Variants in PCM1 observed in about 807,000 individuals in gnomAD.
The protein encoded by PCM1 is pericentriolar material 1 protein.
PCM1 carries 157 observed loss-of-function variants against 241.9 expected under a neutral mutation model. The ratio of observed to expected loss-of-function variants is 0.65; its 90% CI spans 0.57 to 0.74. The LOEUF is 0.74. Ranked by LOEUF, PCM1 falls within the 30% of genes least tolerant of loss-of-function variation. PCM1 has a pLI of 0.00. For synonymous variants in PCM1, 1,085 were observed against 784.9 expected (o/e 1.38, Z -6.39); for missense variants, 3,478 against 2,360.1 (o/e 1.47, Z -9.81).
intron 23 of PCM1, among the ~76,000 whole-genome samples, chr8:17,979,099 G>C (rs1447397560): frequency 6.6e-6 from 1 of 151,088 alleles, no homozygotes; most frequent in Non-Finnish European, 1.5e-5. Context: ...ACTTGAGCCT[G>C]GGCAACAGAA....
At chr8:17,962,961 C>T in intron 16 of PCM1, 140 bp from the exon 17 acceptor site, 3 of 606,852 alleles carry the variant, frequency 4.9e-6, no homozygotes, top group South Asian at 2.4e-5. Context: ...TTATTTTAAC[C>T]TTCATGGACA....
Position 17,960,359 on chromosome 8 carries a change from T to C in PCM1, c.2237T>C (p.Leu746Pro). The change falls in exon 15 of 39, where the codon CTA becomes CCA. Residue 746 changes from leucine to proline, a missense_variant. Coordinates refer to ENST00000325083, the MANE Select transcript of PCM1 (RefSeq NM_006197.4). ...EAKLQQQQRE[L>P]KQLQEERKKL... is the part of the protein sequence containing the mutation. Reference sequence around the variant, plus strand: ...AAACTACAGCAGCAACAGAGAGAGCTAAAACAATTGCAGGAAGAAAGAAAG... The same window carrying C: ...AAACTACAGCAGCAACAGAGAGAGCCAAAACAATTGCAGGAAGAAAGAAAG... 6.2e-7 allele frequency: 1 copy of C among 1,605,462 alleles called. No individual in the cohort carries two copies. The highest frequency in any genetic ancestry group is 8.5e-7 in the Non-Finnish European group (1 of 1,177,484).
Position 18,014,821 on chromosome 8 carries a change from C to CAGTGTT in PCM1, c.5827_5832dup (p.Leu1943_Val1944dup), listed in dbSNP as rs1416777553. On this transcript the variant is annotated inframe_insertion, in exon 36 of 39. Coordinates refer to ENST00000325083, the MANE Select transcript of PCM1 (RefSeq NM_006197.4). ...GCTGGAAGTCCTGATACTGAATCTC[C>CAGTGTT]AGTGTTAGTGAATGACTATGTATGT... 3 of 1,599,942 alleles carry CAGTGTT rather than the reference C, an allele frequency of 1.9e-6. No individual in the cohort carries two copies. Among genetic ancestry groups the CAGTGTT allele is most frequent in the Non-Finnish European group, 2.5e-6 (3 of 1,176,850 alleles).
intron 29 of PCM1, among the ~76,000 whole-genome samples, chr8:18,002,954 GCCTT>G (rs2090109247): frequency 6.6e-6 from 1 of 152,120 alleles, no homozygotes; most frequent in African/African-American, 2.4e-5. Context: ...CACTTCTGAG[GCCTT>G]GGCACTTGCT....
intron 36 of PCM1, among the ~76,000 whole-genome samples, chr8:18,015,372 A>G (rs1298072464): frequency 6.6e-6 from 1 of 152,218 alleles, no homozygotes; most frequent in East Asian, 1.9e-4. Flanking sequence ...AAAGTAATTA[A>G]TCTTGCTTAA....
At chr8:17,951,479 C>G (rs1021136378) in intron 8 of PCM1, among the ~76,000 whole-genome samples, 7 of 152,178 alleles carry the variant, frequency 4.6e-5, no homozygotes, top group African/African-American at 1.4e-4. Context: ...CATGGCAACT[C>G]TGTGTTAATA....
At chr8:17,930,524 A>G (rs527464901) in intron 2 of PCM1, among the ~76,000 whole-genome samples, 207 of 152,340 alleles carry the variant, frequency 1.4e-3, no homozygotes, top group African/African-American at 4.6e-3. Flanking sequence ...AAAGAGGTTG[A>G]CATGAAGAGA....
intron 13 of PCM1, among the ~76,000 whole-genome samples, chr8:17,959,762 A>G (rs1198508835): frequency 2.0e-5 from 3 of 152,146 alleles, no homozygotes; most frequent in Admixed American, 1.3e-4. Flanking sequence ...TTGTTTAACC[A>G]TTACTGGAAT....
chr8:18,015,274 T>C (rs1455535744), intron 36 of PCM1, among the ~76,000 whole-genome samples: 3 of 148,624 alleles, frequency 2.0e-5, no homozygotes, highest in African/African-American at 7.4e-5. Flanking sequence ...AACTAGGAAA[T>C]CTGTACTCAT....
chr8:17,988,205 TA>T (rs200888603), intron 26 of PCM1, among the ~76,000 whole-genome samples: 2 of 111,856 alleles, frequency 1.8e-5, no homozygotes, highest in East Asian at 4.0e-4. Context: ...CTTGAAACAG[TA>T]AAAAAAATGG....
intron 22 of PCM1, among the ~76,000 whole-genome samples, chr8:17,970,082 T>A (rs1226898579): frequency 6.6e-6 from 1 of 152,200 alleles, no homozygotes; most frequent in Non-Finnish European, 1.5e-5. Context: ...TGTTAAGTGA[T>A]GATCCCTTTT....
chr8:17,967,598 G>A (rs1216818938), intron 21 of PCM1, among the ~76,000 whole-genome samples: 4 of 152,176 alleles, frequency 2.6e-5, no homozygotes, highest in South Asian at 2.1e-4. Context: ...ATGAGCCACC[G>A]TGCCCAGCCT....
intron 6 of PCM1, among the ~76,000 whole-genome samples, chr8:17,943,786 A>C (rs898535846): frequency 6.6e-6 from 1 of 152,158 alleles, no homozygotes; most frequent in Non-Finnish European, 1.5e-5. Context: ...AGGAACTGTC[A>C]TTCTTACCAC....
In PCM1 at chr8:17,956,785, C is replaced by A. The variant is rs1214297433; in HGVS notation, c.1646+8C>A. 10 of 1,598,214 alleles carry A rather than the reference C, an allele frequency of 6.3e-6. No homozygotes were observed. Among genetic ancestry groups the A allele is most frequent in the Non-Finnish European group, 7.7e-6 (9 of 1,169,414 alleles). On this transcript the variant is annotated splice_region_variant and intron_variant, in intron 11 of 38. Coordinates refer to ENST00000325083, the MANE Select transcript of PCM1 (RefSeq NM_006197.4). ...GCCTGTTACTAACATTCGGTAAGAA[C>A]TTTTCTGGGGATGTTTTTCCAGCAT...
chr8:17,923,880 G>T (rs2055697909), intron 1 of PCM1, among the ~76,000 whole-genome samples: 1 of 152,192 alleles, frequency 6.6e-6, no homozygotes, highest in South Asian at 2.1e-4. Context: ...TGGGGGAAAC[G>T]TTGTTTGGTT....
At chr8:18,016,602 A>T (rs117599839) in intron 36 of PCM1, among the ~76,000 whole-genome samples, 2,599 of 152,360 alleles carry the variant, frequency 0.017, 43 homozygotes, top group South Asian at 0.044. Flanking sequence ...TTGCTAAAAG[A>T]TTCCTTGCTA....
intron 2 of PCM1, among the ~76,000 whole-genome samples, chr8:17,933,236 A>T (rs1165521028): frequency 6.6e-5 from 10 of 152,098 alleles, no homozygotes; most frequent in African/African-American, 2.4e-4. Context: ...TTCTTACTAC[A>T]TTTTTCTGAT....
intron 36 of PCM1, among the ~76,000 whole-genome samples, chr8:18,019,091 C>T (rs1325108808): frequency 6.6e-6 from 1 of 151,768 alleles, no homozygotes; most frequent in Non-Finnish European, 1.5e-5. Flanking sequence ...TTTCAGTATT[C>T]CAGTAAGCCA....
chr8:17,957,484 C>A, intron 12 of PCM1, 56 bp from the exon 13 acceptor site: 1 of 1,603,584 alleles, frequency 6.2e-7, no homozygotes, highest in Non-Finnish European at 8.5e-7. Context: ...GGTTTTCGTT[C>A]ATGTGTGCTC....
Sources: allele counts gnomAD v4.1 joint callset (sites outside exome capture counted in the v4.1 genomes callset), GRCh38; gene constraint gnomAD v4.1.1; transcripts MANE v1.5; gene names NCBI Gene and HGNC (gene_info 2026-07-23, HGNC 2026-07-21).